FAM227A: variants seen among roughly 807,000 people sequenced by gnomAD.
The protein encoded by FAM227A is protein FAM227A.
A neutral mutation model predicts 74.7 loss-of-function variants in FAM227A; 80 were observed. That is an observed-to-expected ratio of 1.07 (90% CI 0.89 to 1.29). FAM227A has a LOEUF of 1.29. FAM227A is among the 50% of genes most tolerant of loss of function. FAM227A has a pLI of 0.00. For missense variants in FAM227A, 654 were observed against 683.4 expected, an observed-to-expected ratio of 0.96 and a Z score of 0.48; for synonymous variants, 237 against 241.8, an observed-to-expected ratio of 0.98 and a Z score of 0.19.
intron 11 of FAM227A, among the ~76,000 whole-genome samples, chr22:38,609,331 C>T (rs896913707): frequency 3.9e-4 from 59 of 152,128 alleles, no homozygotes; most frequent in African/African-American, 1.4e-3. Flanking sequence ...GGTACATGCC[C>T]AGCAAAAAAT....
chr22:38,624,098 T>C (rs2145572221), intron 9 of FAM227A, among the ~76,000 whole-genome samples: 1 of 152,178 alleles, frequency 6.6e-6, no homozygotes, highest in South Asian at 2.1e-4. Flanking sequence ...AAGACCCAGC[T>C]TTGGAGTGGC....
Position 38,626,268 on chromosome 22 carries a change from G to A in FAM227A, c.762C>T (p.Thr254=). The A allele has an allele frequency of 6.4e-7, 1 of 1,551,666 alleles. No homozygotes were observed. Residue 254 remains threonine, a synonymous_variant, in exon 9 of 17, where the codon ACC becomes ACT. Transcript: ENST00000535113. ...ACTGTGGAAAGCAGCAACAGAAGCTGGTGTACACGGCTTTGCTGAGAAGTG... is the reference window on the plus strand; with the variant it reads ...ACTGTGGAAAGCAGCAACAGAAGCTAGTGTACACGGCTTTGCTGAGAAGTG... ...LPSLLSKAVY[T]SFCCCFPQSW...
chr22:38,605,699 CTT>C (rs1162612449), intron 12 of FAM227A, among the ~76,000 whole-genome samples: 2 of 152,184 alleles, frequency 1.3e-5, no homozygotes, highest in South Asian at 2.1e-4. Context: ...GGCAACTCCT[CTT>C]TGATACATGG....
In FAM227A at chr22:38,628,838, T is replaced by C; in HGVS notation, c.617A>G (p.Tyr206Cys). Residue 206 changes from tyrosine (Y) to cysteine (C), a missense_variant, in exon 7 of 17, where the codon TAC (tyrosine) becomes TGC (cysteine). Tyr to Cys is a radical substitution (Grantham distance 194). Transcript: ENST00000535113. ...DSFWWIFHER[Y>C]QPNKELQNNL... ...AACAAGCAGATTTGTATTTACCTGGTACCTCTCATGAAATATCCACCAAAA... is the reference window on the plus strand; with the variant it reads ...AACAAGCAGATTTGTATTTACCTGGCACCTCTCATGAAATATCCACCAAAA... 1 of 1,505,640 alleles carries C rather than the reference T, an allele frequency of 6.6e-7. No homozygotes were observed. Among genetic ancestry groups the C allele is most frequent in the Non-Finnish European group, 9.0e-7 (1 of 1,108,942 alleles). The allele number at this position is 1,505,640 out of a possible 1,614,324, so 93.3% of individuals were successfully genotyped here.
At chr22:38,621,251 G>C (rs1370419361) in intron 10 of FAM227A, among the ~76,000 whole-genome samples, 1 of 151,634 alleles carries the variant, frequency 6.6e-6, no homozygotes, top group Admixed American at 6.6e-5. Flanking sequence ...TTGGGAGGCT[G>C]AGGCTCAAGA....
rs1243962594 is a variant in FAM227A at position 38,579,939 on chromosome 22, G to C, written c.*6186C>G. The stretch of plus-strand genomic sequence containing the variant: ...GATGTCTTTTTTTTTTCTTTTTAGA[G>C]ATGTGGTCTCATTCTGTCACCTAGG... On this transcript the variant is annotated 3_prime_UTR_variant, in exon 17 of 17. Transcript: ENST00000535113. The C allele has an allele frequency of 2.0e-5, 3 of 151,258 alleles. No individual in the cohort carries two copies. Among genetic ancestry groups the C allele is most frequent in the Admixed American group, 1.3e-4 (2 of 15,178 alleles). 9.4% of individuals were successfully genotyped at this position (151,258 alleles called of 1,614,324 possible).
At chr22:38,594,526 G>A (rs1229325061) in intron 15 of FAM227A, among the ~76,000 whole-genome samples, 3 of 152,204 alleles carry the variant, frequency 2.0e-5, no homozygotes, top group Non-Finnish European at 4.4e-5. Context: ...TGGCTGCAGA[G>A]TATGGAGGTA....
At chr22:38,611,373 G>C (rs1243731132) in intron 11 of FAM227A, among the ~76,000 whole-genome samples, 1 of 152,158 alleles carries the variant, frequency 6.6e-6, no homozygotes, top group African/African-American at 2.4e-5. Flanking sequence ...AGGGAGCTGC[G>C]CAGACCTGGA....
chr22:38,605,441 C>A (rs2091264138), intron 12 of FAM227A, 93 bp from the exon 13 acceptor site: 2 of 700,214 alleles, frequency 2.9e-6, no homozygotes, highest in African/African-American at 1.8e-5. Flanking sequence ...AGGTGTGTGC[C>A]ACCGCACCCA....
intron 10 of FAM227A, among the ~76,000 whole-genome samples, chr22:38,621,705 G>C (rs968548258): frequency 2.0e-5 from 3 of 152,164 alleles, no homozygotes; most frequent in Non-Finnish European, 4.4e-5. Context: ...CTATTACTTA[G>C]TGCCCTAAAC....
At chr22:38,606,985 T>C (rs1300449413) in intron 12 of FAM227A, among the ~76,000 whole-genome samples, 5 of 152,064 alleles carry the variant, frequency 3.3e-5, no homozygotes, top group Admixed American at 3.3e-4. Flanking sequence ...GAGACCAGCC[T>C]GGCCAACATG....
rs1262776250 is a variant in FAM227A at position 38,626,211 on chromosome 22, G to A, written c.819C>T (p.Asp273=). ...SWFDTHEFKS[D]ICNTMSLWIS... ...TCCACAGGCTCATTGTGTTACAGATGTCAGACTTGAATTCGTGCGTGTCGA... is the reference window on the plus strand; with the variant it reads ...TCCACAGGCTCATTGTGTTACAGATATCAGACTTGAATTCGTGCGTGTCGA... The change falls in exon 9 of 17, where the codon GAC becomes GAT. Residue 273 remains aspartate, a synonymous_variant. Coordinates refer to ENST00000535113, the MANE Select transcript of FAM227A (RefSeq NM_001013647.2). 6.4e-7 allele frequency: 1 copy of A among 1,551,640 alleles called. No individual in the cohort carries two copies. The highest frequency in any genetic ancestry group is 8.7e-7 in the Non-Finnish European group (1 of 1,146,958).
Position 38,650,110 on chromosome 22 carries a change from A to G in FAM227A, c.59T>C (p.Val20Ala), listed in dbSNP as rs1204864339. 9 of 1,551,716 alleles carry G rather than the reference A, an allele frequency of 5.8e-6. No individual in the cohort carries two copies. In the East Asian group the frequency reaches 2.2e-4, roughly 38 times the overall value. ...INLTTLPMIPVDEHLAVSLVA... is the reference protein window; with the variant it reads ...INLTTLPMIPADEHLAVSLVA... ...AAGCGAGACAGCCAGGTGCTCATCC[A>G]CTGGTATCATAGGTAGGGTGGTGAG... The change falls in exon 2 of 17, where the codon GTG becomes GCG. Residue 20 changes from valine (V) to alanine (A), a missense_variant. By Grantham distance (64) the Val-to-Ala change is moderately conservative (BLOSUM62 0). Transcript: ENST00000535113.
chr22:38,644,178 G>C (rs929141643), intron 3 of FAM227A, among the ~76,000 whole-genome samples: 37 of 150,822 alleles, frequency 2.5e-4, no homozygotes, highest in Admixed American at 7.3e-4. Flanking sequence ...AGATGTGGAG[G>C]AAACTAAAAA....
rs545612985 is a variant in FAM227A, at chr22:38,587,015, A to G, written c.1639-816T>C. On this transcript the variant is annotated intron_variant, in intron 16 of 16. Transcript: ENST00000535113. The stretch of plus-strand genomic sequence containing the variant: ...ATTTAGGTTCACTGTCCGTATTTGG[A>G]AAGAACATGCTACAACTTGAAGGAG... Among the ~76,000 whole-genome samples, 8 of 152,272 alleles carry G rather than the reference A, an allele frequency of 5.3e-5. No individual in the cohort carries two copies. The East Asian group carries it at 1.3e-3, about 26-fold the overall frequency.
In FAM227A at chr22:38,645,550, A is replaced by C; in HGVS notation, c.225+13T>G. The C allele has an allele frequency of 6.5e-7, 1 of 1,546,074 alleles. No homozygotes were observed. The highest frequency in any genetic ancestry group is 8.8e-7 in the Non-Finnish European group (1 of 1,141,914). ...TCAGAAGCTTTGTCTCAGCTCCAGCATAGGTAACTCACCAGGCTGTTGGCC... is the reference window on the plus strand; with the variant it reads ...TCAGAAGCTTTGTCTCAGCTCCAGCCTAGGTAACTCACCAGGCTGTTGGCC... On this transcript the variant is annotated intron_variant, in intron 3 of 16. Transcript: ENST00000535113.
chr22:38,588,859 C>T (rs1291205852), intron 16 of FAM227A, among the ~76,000 whole-genome samples: 9 of 135,518 alleles, frequency 6.6e-5, no homozygotes, highest in African/African-American at 1.7e-4. Flanking sequence ...AGCTGGGAGG[C>T]GGAGGTTGCA....
rs1234795136 is a variant in FAM227A, at chr22:38,594,298, C to T, written c.1533-2758G>A. Among the ~76,000 whole-genome samples, 4 of 152,260 alleles carry T rather than the reference C, an allele frequency of 2.6e-5. No individual in the cohort carries two copies. In the East Asian group the frequency reaches 7.7e-4, roughly 29 times the overall value. ...CTGCATATATGGACTCTCCTCCTTC[C>T]CTTCTGGTCACTCCTCCCCTTACAG... On this transcript the variant is annotated intron_variant, in intron 15 of 16. Coordinates refer to ENST00000535113, the MANE Select transcript of FAM227A (RefSeq NM_001013647.2).
At position 38,655,785 on chromosome 22, in the gene FAM227A, C is replaced by T. The variant is rs554078058; in HGVS notation, c.-95+335G>A. On this transcript the variant is annotated intron_variant, in intron 1 of 16. Transcript: ENST00000535113. Reference sequence around the variant, plus strand: ...CATGGAAGTCTCCCCTCTTTTAATGCAGGGTGGTGTAGTTGGAAGAGAACT... The same window carrying T: ...CATGGAAGTCTCCCCTCTTTTAATGTAGGGTGGTGTAGTTGGAAGAGAACT... Among the ~76,000 whole-genome samples, 31 of 152,258 alleles carry T rather than the reference C, an allele frequency of 2.0e-4. No individual in the cohort carries two copies. The South Asian group carries it at 6.4e-3, about 32-fold the overall frequency.
Sources: gnomAD v4.1 joint callset for allele counts (sites outside exome capture counted in the v4.1 genomes callset) on GRCh38, gnomAD v4.1.1 for gene constraint, MANE v1.5 for transcripts, NCBI Gene and HGNC (gene_info 2026-07-23, HGNC 2026-07-21) for gene names.